GTF3A: variants seen among roughly 807,000 people sequenced by gnomAD.
GTF3A encodes transcription factor IIIA.
In GTF3A, 40 loss-of-function variants were observed where a neutral mutation model predicts 37.6. That is an observed-to-expected ratio of 1.06 (90% confidence interval 0.83 to 1.38). GTF3A has a LOEUF of 1.38. GTF3A is among the 40% of genes most tolerant of loss of function. GTF3A has a pLI of 0.00. For synonymous variants in GTF3A, 191 were observed against 166.7 expected (o/e 1.15, Z -1.12); for missense variants, 500 against 462.6 (o/e 1.08, Z -0.74).
At chr13:27,430,151 C>G (rs554941602) in intron 3 of GTF3A, among the ~76,000 whole-genome samples, 185 bp downstream of exon 3, 187 of 148,528 alleles carry the variant, frequency 1.3e-3, no homozygotes, top group African/African-American at 4.3e-3. Flanking sequence ...AAACAGAAAA[C>G]AAAACAAAAA....
At chr13:27,434,107 C>T (rs773148492) in intron 5 of GTF3A, 32 bp from the exon 6 acceptor site, 1 of 843,772 alleles carries the variant, frequency 1.2e-6, no homozygotes, top group Admixed American at 1.7e-5. Context: ...ACTGAGTATT[C>T]ATGACAGACA....
intron 2 of GTF3A, 91 bp downstream of exon 2, chr13:27,427,283 G>C: frequency 1.4e-6 from 1 of 717,286 alleles, no homozygotes; most frequent in Non-Finnish European, 2.6e-6. Context: ...ACGAGATCAG[G>C]AATGTGAAGC....
At position 27,424,880 on chromosome 13, in the gene GTF3A, G is replaced by A. The variant is rs1230085611; in HGVS notation, c.143G>A (p.Ser48Asn). 60 of 1,549,926 alleles carry A rather than the reference G, an allele frequency of 3.9e-5. No individual in the cohort carries two copies. The East Asian group carries it at 1.4e-3, about 37-fold the overall frequency. Residue 48 changes from serine (S) to asparagine (N), a missense_variant, in exon 1 of 9, where the codon AGC (serine) becomes AAC (asparagine). Coordinates refer to ENST00000381140, the MANE Select transcript of GTF3A (RefSeq NM_002097.3). ...TTCATCTGCTCCTTCCCTGACTGCA[G>A]CGCCAATTACAGCAAAGCCTGGAAG...
Position 27,430,502 on chromosome 13 carries a change from A to G in GTF3A, c.400-31A>G, listed in dbSNP as rs73438715. 1.9e-3 allele frequency: 2,546 copies of G among 1,357,032 alleles called. 31 individuals carry two copies. In the African/African-American group the frequency reaches 0.032, roughly 17 times the overall value. The allele number at this position is 1,357,032 out of a possible 1,614,324, so 84.1% of individuals were successfully genotyped here. A position where few individuals can be genotyped will look rare whatever the true frequency, so the allele number is the denominator to read the frequency against. ...ACTGTTCATTTTGTTTTGACTTTCC[A>G]TAAGACTAACGAGCCTTTACAATTT... On this transcript the variant is annotated intron_variant, in intron 3 of 8. Transcript: ENST00000381140.
chr13:27,432,773 C>A lies in GTF3A; in HGVS notation c.531C>A (p.Ser177Arg), dbSNP rs1953669131. 1 of 1,605,594 alleles carries A rather than the reference C, an allele frequency of 6.2e-7. No individual in the cohort carries two copies. The highest frequency in any genetic ancestry group is 8.5e-7 in the Non-Finnish European group (1 of 1,175,952). Residue 177 changes from serine to arginine, a missense_variant, in exon 5 of 9, where the codon AGC becomes AGA. Ser to Arg is a moderately radical substitution (Grantham distance 110). Transcript: ENST00000381140. ...GTGGGAAACACTTTGCATCACCCAG[C>A]AAGCTGAAACGACATGCCAAGGCCC...
chr13:27,433,521 A>AAC, intron 5 of GTF3A, among the ~76,000 whole-genome samples: 1 of 46,576 alleles, frequency 2.1e-5, no homozygotes, highest in East Asian at 4.2e-4. Flanking sequence ...TTTTAAAAAA[A>AAC]AAAAACAAAA....
chr13:27,434,012 A>G (rs1259637133), intron 5 of GTF3A, 127 bp from the exon 6 acceptor site: 10 of 630,998 alleles, frequency 1.6e-5, no homozygotes, highest in Admixed American at 1.3e-4. Flanking sequence ...TCCCACCTCA[A>G]GAGGCTGAGT....
chr13:27,435,381 TCAGA>T (rs1378900353), intron 8 of GTF3A, 48 bp from the exon 9 acceptor site: 14 of 1,551,872 alleles, frequency 9.0e-6, no homozygotes, highest in South Asian at 2.3e-5. Flanking sequence ...TAAAATTAAC[TCAGA>T]CAGTTTTGAT....
intron 1 of GTF3A, among the ~76,000 whole-genome samples, chr13:27,426,845 G>A (rs1278256358): frequency 6.6e-6 from 1 of 152,182 alleles, no homozygotes; most frequent in East Asian, 1.9e-4. Flanking sequence ...AAAATGCTAT[G>A]CCTGCTTATT....
intron 4 of GTF3A, among the ~76,000 whole-genome samples, chr13:27,430,828 T>C (rs1953650877): frequency 6.6e-6 from 1 of 152,244 alleles, no homozygotes; most frequent in African/African-American, 2.4e-5. Flanking sequence ...ATACATTCTT[T>C]ATTGGATGCA....
At chr13:27,429,802 GAT>G in intron 2 of GTF3A, 66 bp from the exon 3 acceptor site, 1 of 712,132 alleles carries the variant, frequency 1.4e-6, no homozygotes, top group African/African-American at 1.8e-5. Flanking sequence ...AAAGTAGGAA[GAT>G]ATATGTGTCT....
Position 27,424,781 on chromosome 13 carries a change from C to G in GTF3A, c.44C>G (p.Thr15Ser). 6.5e-7 allele frequency: 1 copy of G among 1,540,510 alleles called. No individual in the cohort carries two copies. The highest frequency in any genetic ancestry group is 1.7e-4 in the Middle Eastern group (1 of 5,852). The change falls in exon 1 of 9, where the codon ACC (threonine) becomes AGC (serine). Residue 15 changes from threonine to serine, a missense_variant. Transcript: ENST00000381140. The stretch of plus-strand genomic sequence containing the variant: ...GTCGCCGAGTCGGTGTCGTCCTTGA[C>G]CATCGCCGACGCGTTCATTGCAGCC...
At position 27,434,208 on chromosome 13, in the gene GTF3A, A is replaced by T; in HGVS notation, c.632A>T (p.Glu211Val). 7.8e-7 allele frequency: 1 copy of T among 1,277,474 alleles called. No homozygotes were observed. Among genetic ancestry groups the T allele is most frequent in the Non-Finnish European group, 1.1e-6 (1 of 872,468 alleles). 79.1% of individuals were successfully genotyped at this position (1,277,474 alleles called of 1,614,324 possible). Reference sequence around the variant, plus strand: ...ACGGAACTTCTGAAACATGTGAGAGAAACCCATAAAGGTAAGGCAGGCATG... The same window carrying T: ...ACGGAACTTCTGAAACATGTGAGAGTAACCCATAAAGGTAAGGCAGGCATG... The change falls in exon 6 of 9, where the codon GAA becomes GTA. Residue 211 changes from glutamate to valine, a missense_variant. Coordinates refer to ENST00000381140, the MANE Select transcript of GTF3A (RefSeq NM_002097.3).
intron 1 of GTF3A, among the ~76,000 whole-genome samples, 152 bp from the exon 2 acceptor site, chr13:27,426,940 C>G (rs1350167428): frequency 6.6e-6 from 1 of 152,248 alleles, no homozygotes; most frequent in Non-Finnish European, 1.5e-5. Flanking sequence ...TGTGCAGGAA[C>G]ACTGCGTCTT....
At chr13:27,431,655 G>A (rs193067202) in intron 4 of GTF3A, among the ~76,000 whole-genome samples, 1 of 152,192 alleles carries the variant, frequency 6.6e-6, no homozygotes, top group East Asian at 1.9e-4. Flanking sequence ...GGGGGTGAGG[G>A]ATGAAAGACT....
Position 27,430,636 on chromosome 13 carries a change from T to C in GTF3A, c.488+15T>C. 1 of 1,464,442 alleles carries C rather than the reference T, an allele frequency of 6.8e-7. No homozygotes were observed. The highest frequency in any genetic ancestry group is 9.6e-7 in the Non-Finnish European group (1 of 1,045,058). 90.7% of individuals were successfully genotyped at this position (1,464,442 alleles called of 1,614,324 possible). ...CCTCTATTCAAGTAGGTACTTCATG[T>C]GGCTGAAAATGCCTGGATTCTAGGT... is the stretch of plus-strand genomic sequence containing the variant. On this transcript the variant is annotated intron_variant, in intron 4 of 8. Coordinates refer to ENST00000381140, the MANE Select transcript of GTF3A (RefSeq NM_002097.3).
At chr13:27,428,433 G>A (rs1366497894) in intron 2 of GTF3A, among the ~76,000 whole-genome samples, 1 of 152,196 alleles carries the variant, frequency 6.6e-6, no homozygotes, top group Non-Finnish European at 1.5e-5. Flanking sequence ...TTAAAGCTGT[G>A]CAGTGCTTTC....
rs759383712 is a variant in GTF3A at position 27,432,784 on chromosome 13, G to A, written c.542G>A (p.Arg181Gln). Residue 181 changes from arginine (R) to glutamine (Q), a missense_variant, in exon 5 of 9, where the codon CGA becomes CAA. Arg to Gln is a conservative substitution (Grantham distance 43). Coordinates refer to ENST00000381140, the MANE Select transcript of GTF3A (RefSeq NM_002097.3). Reference sequence around the variant, plus strand: ...TTTGCATCACCCAGCAAGCTGAAACGACATGCCAAGGCCCACGAGGGTGTG... The same window carrying A: ...TTTGCATCACCCAGCAAGCTGAAACAACATGCCAAGGCCCACGAGGGTGTG... 2.5e-6 allele frequency: 4 copies of A among 1,604,374 alleles called. No homozygotes were observed. The highest frequency in any genetic ancestry group is 1.3e-5 in the African/African-American group (1 of 74,796).
At chr13:27,433,391 T>TG (rs1266181304) in intron 5 of GTF3A, among the ~76,000 whole-genome samples, 1 of 151,530 alleles carries the variant, frequency 6.6e-6, no homozygotes, top group Non-Finnish European at 1.5e-5. Flanking sequence ...TCTAGTTGGG[T>TG]GGAACTCAGC....
Sources: allele counts gnomAD v4.1 joint callset (sites outside exome capture counted in the v4.1 genomes callset), GRCh38; gene constraint gnomAD v4.1.1; transcripts MANE v1.5; gene names NCBI Gene and HGNC (gene_info 2026-07-23, HGNC 2026-07-21).